DPY19L2: variants seen among roughly 807,000 people sequenced by gnomAD.
DPY19L2 encodes the protein probable C-mannosyltransferase DPY19L2.
DPY19L2 carries 34 observed loss-of-function variants against 97.9 expected under a neutral mutation model. The ratio of observed to expected loss-of-function variants is 0.35; its 90% CI spans 0.26 to 0.46. The LOEUF (loss-of-function observed/expected upper bound fraction) is 0.46, where lower values mean the gene tolerates loss of function less well. Ranked by LOEUF, DPY19L2 falls within the 20% of genes least tolerant of loss-of-function variation. The pLI is 1.00. For synonymous variants in DPY19L2, 230 were observed against 307.9 expected (o/e 0.75, Z 2.65); for missense variants, 623 against 911.4 (o/e 0.68, Z 4.07).
intron 11 of DPY19L2, among the ~76,000 whole-genome samples, chr12:63,617,010 G>C (rs1339708904): frequency 6.6e-6 from 1 of 152,144 alleles, no homozygotes; most frequent in Non-Finnish European, 1.5e-5. Context: ...ACCTCCTCAA[G>C]TGACTTAGGA....
chr12:63,598,130 A>G (rs1037693140), intron 13 of DPY19L2, among the ~76,000 whole-genome samples: 5 of 151,968 alleles, frequency 3.3e-5, no homozygotes, highest in Admixed American at 6.5e-5. Flanking sequence ...ATGAAAAATG[A>G]AAAGTAGAAA....
At position 63,614,905 on chromosome 12, in the gene DPY19L2, C is replaced by A. The variant is rs144583479; in HGVS notation, c.1218+2399G>T. On this transcript the variant is annotated intron_variant, in intron 11 of 21. Coordinates refer to ENST00000324472, the MANE Select transcript of DPY19L2 (RefSeq NM_173812.5). ...ATGAGCATCCTTGGGTCCCAGACTGCGGTCTTAAAACACCATTTCCCCAGT... is the reference window on the plus strand; with the variant it reads ...ATGAGCATCCTTGGGTCCCAGACTGAGGTCTTAAAACACCATTTCCCCAGT... Among the ~76,000 whole-genome samples the A allele has an allele frequency of 2.9e-3, 442 of 152,180 alleles. 3 individuals carry two copies. The highest frequency in any genetic ancestry group is 0.01 in the African/African-American group (422 of 41,500).
intron 19 of DPY19L2, among the ~76,000 whole-genome samples, chr12:63,575,390 CAAT>C (rs1167431831): frequency 2.0e-5 from 3 of 151,656 alleles, no homozygotes; most frequent in Non-Finnish European, 4.4e-5. Context: ...ATTAACAACT[CAAT>C]GATGCTTCTT....
intron 6 of DPY19L2, among the ~76,000 whole-genome samples, chr12:63,633,267 G>T (rs1396563950): frequency 1.3e-5 from 2 of 152,128 alleles, no homozygotes; most frequent in African/African-American, 4.8e-5. Context: ...TACCATCAGA[G>T]TGAATAGGCA....
chr12:63,605,944 TTATTTTTC>T (rs1233165098), intron 12 of DPY19L2, among the ~76,000 whole-genome samples: 1 of 152,184 alleles, frequency 6.6e-6, no homozygotes, highest in African/African-American at 2.4e-5. Context: ...TAAATGTGTT[TTATTTTTC>T]TATTTATATC....
intron 6 of DPY19L2, among the ~76,000 whole-genome samples, chr12:63,627,554 T>C (rs1375147200): frequency 6.6e-6 from 1 of 152,144 alleles, no homozygotes; most frequent in East Asian, 1.9e-4. Flanking sequence ...TTCACCATGT[T>C]GGCCAGGCTG....
intron 6 of DPY19L2, among the ~76,000 whole-genome samples, chr12:63,631,195 G>C (rs547967192): frequency 2.0e-5 from 3 of 152,070 alleles, no homozygotes; most frequent in African/African-American, 7.2e-5. Flanking sequence ...AAAGCTAGCA[G>C]AAAGCAAGAA....
chr12:63,630,035 C>G (rs1312934796), intron 6 of DPY19L2, among the ~76,000 whole-genome samples: 5 of 152,058 alleles, frequency 3.3e-5, no homozygotes, highest in Admixed American at 2.6e-4. Context: ...TTGTCACCAC[C>G]AGGCCAGCCC....
At chr12:63,639,127 G>A (rs2138064163) in intron 6 of DPY19L2, among the ~76,000 whole-genome samples, 1 of 152,226 alleles carries the variant, frequency 6.6e-6, no homozygotes, top group African/African-American at 2.4e-5. Flanking sequence ...TTAATAAATG[G>A]TGCTGGGAAA....
chr12:63,587,140 T>C (rs960222289), intron 16 of DPY19L2, among the ~76,000 whole-genome samples: 3 of 152,100 alleles, frequency 2.0e-5, no homozygotes, highest in African/African-American at 7.2e-5. Flanking sequence ...GCAATATTAA[T>C]TTTATACAAA....
chr12:63,641,126 G>C (rs946235738), intron 6 of DPY19L2, among the ~76,000 whole-genome samples: 1 of 151,978 alleles, frequency 6.6e-6, no homozygotes, highest in African/African-American at 2.4e-5. Context: ...GGTTGGTCTC[G>C]ATCTCCTGAC....
intron 14 of DPY19L2, among the ~76,000 whole-genome samples, chr12:63,596,787 A>G (rs1884320393): frequency 6.6e-6 from 1 of 152,178 alleles, no homozygotes; most frequent in African/African-American, 2.4e-5. Flanking sequence ...TTGAGCTACA[A>G]ATAGAGGAAA....
chr12:63,586,045 C>G (rs1419496947), intron 16 of DPY19L2, among the ~76,000 whole-genome samples: 7 of 151,990 alleles, frequency 4.6e-5, no homozygotes, highest in Non-Finnish European at 1.0e-4. Context: ...GTGATAAAAG[C>G]AATAACAGAA....
upstream of DPY19L2, chr12:63,668,630 C>T (rs1896619852): frequency 3.7e-6 from 2 of 534,478 alleles, no homozygotes; most frequent in Non-Finnish European, 6.7e-6. Context: ...AGCAGCACCC[C>T]CGCCTCTGCG....
chr12:63,665,289 T>G (rs1896195693), intron 2 of DPY19L2, among the ~76,000 whole-genome samples: 1 of 152,090 alleles, frequency 6.6e-6, no homozygotes, highest in Non-Finnish European at 1.5e-5. Context: ...CTGGCCAACA[T>G]GGTGAAACCT....
At chr12:63,607,146 T>A (rs552621417) in intron 12 of DPY19L2, among the ~76,000 whole-genome samples, 1 of 152,294 alleles carries the variant, frequency 6.6e-6, no homozygotes, top group South Asian at 2.1e-4. Context: ...TCAATTCATG[T>A]TCTTTCCAGT....
chr12:63,650,939 T>C (rs539702599), intron 4 of DPY19L2, among the ~76,000 whole-genome samples: 38 of 152,110 alleles, frequency 2.5e-4, no homozygotes, highest in Non-Finnish European at 5.3e-4. Flanking sequence ...ATAGTTCAAA[T>C]AGCCAAAGCA....
chr12:63,662,715 A>G (rs1895837862), intron 3 of DPY19L2, among the ~76,000 whole-genome samples: 1 of 152,232 alleles, frequency 6.6e-6, no homozygotes, highest in South Asian at 2.1e-4. Flanking sequence ...ACCAAAGTCC[A>G]GACTCTGCCA....
chr12:63,614,880 A>G (rs769328660), intron 11 of DPY19L2, among the ~76,000 whole-genome samples: 16 of 152,250 alleles, frequency 1.1e-4, no homozygotes, highest in African/African-American at 3.1e-4. Context: ...CTCAGTATCA[A>G]TGAGCATCCT....
Sources: gnomAD v4.1 joint callset for allele counts (sites outside exome capture counted in the v4.1 genomes callset) on GRCh38, gnomAD v4.1.1 for gene constraint, MANE v1.5 for transcripts, NCBI Gene and HGNC (gene_info 2026-07-23, HGNC 2026-07-21) for gene names.